WDFY1: variants seen among roughly 807,000 people sequenced by gnomAD.
WDFY1 encodes WD repeat and FYVE domain containing 1.
A neutral mutation model predicts 56.4 loss-of-function variants in WDFY1; 32 were observed. The ratio of observed to expected loss-of-function variants is 0.57; its 90% confidence interval spans 0.43 to 0.76. The LOEUF (loss-of-function observed/expected upper bound fraction) is 0.76, where lower values mean the gene tolerates loss of function less well. Ranked by LOEUF, WDFY1 falls within the 30% of genes least tolerant of loss-of-function variation. WDFY1 has a pLI of 0.00. For missense variants in WDFY1, 480 were observed against 545.7 expected (o/e 0.88, Z 1.20); for synonymous variants, 192 against 197.3 (o/e 0.97, Z 0.23).
At chr2:223,885,236 G>A (rs1014652256) in intron 8 of WDFY1, among the ~76,000 whole-genome samples, 10 of 151,722 alleles carry the variant, frequency 6.6e-5, no homozygotes, top group African/African-American at 2.4e-4. Flanking sequence ...TGTCACTCAG[G>A]CTCGAGTGCA....
intron 1 of WDFY1, among the ~76,000 whole-genome samples, chr2:223,920,525 C>T (rs992167711): frequency 1.3e-5 from 2 of 152,206 alleles, no homozygotes; most frequent in African/African-American, 2.4e-5. Context: ...GGGTTGCTGC[C>T]CAAGAGAAGA....
chr2:223,897,351 C>CATAT (rs1194128689), intron 6 of WDFY1, among the ~76,000 whole-genome samples: 229 of 53,590 alleles, frequency 4.3e-3, no homozygotes, highest in East Asian at 0.024. Flanking sequence ...CTAAATTTCG[C>CATAT]ATATATATAT....
chr2:223,920,625 G>A (rs535741391), intron 1 of WDFY1, among the ~76,000 whole-genome samples: 4 of 152,212 alleles, frequency 2.6e-5, no homozygotes, highest in South Asian at 4.1e-4. Context: ...TGAACACGCC[G>A]GCTGTGGGAA....
chr2:223,878,021 C>T lies in WDFY1; in HGVS notation c.*650G>A, dbSNP rs584358. ...TTTCACAACTTACTTAATGACAACC[C>T]CGAAAGTTCACCTGTGGCATACTGG... is the stretch of plus-strand genomic sequence containing the variant. On this transcript the variant is annotated 3_prime_UTR_variant, in exon 12 of 12. Transcript: ENST00000233055. 137,574 of 152,632 alleles carry T rather than the reference C, an allele frequency of 0.9. 62,351 individuals are homozygous for T. Among genetic ancestry groups the T allele is most frequent in the South Asian group, 0.96 (4,650 of 4,822 alleles). 9.5% of individuals were successfully genotyped at this position (152,632 alleles called of 1,614,324 possible). A position where few individuals can be genotyped will look rare whatever the true frequency, so the allele number is the denominator to read the frequency against.
intron 1 of WDFY1, among the ~76,000 whole-genome samples, chr2:223,940,675 T>C (rs957775771): frequency 5.3e-5 from 8 of 151,986 alleles, no homozygotes; most frequent in African/African-American, 1.9e-4. Context: ...AAAGTTTTGT[T>C]CTTGTTGCCC....
At chr2:223,899,744 T>C (rs1363943847) in intron 5 of WDFY1, among the ~76,000 whole-genome samples, 1 of 151,814 alleles carries the variant, frequency 6.6e-6, no homozygotes, top group African/African-American at 2.4e-5. Flanking sequence ...GCAAGACTCT[T>C]TCTCAAAAAA....
intron 4 of WDFY1, among the ~76,000 whole-genome samples, chr2:223,902,254 C>T (rs548518): frequency 0.93 from 141,753 of 152,310 alleles, 66,040 homozygotes; most frequent in South Asian, 0.96. Context: ...TTAAAGGATG[C>T]TATGATAGCT....
At chr2:223,921,482 C>A (rs1245834480) in intron 1 of WDFY1, among the ~76,000 whole-genome samples, 1 of 152,014 alleles carries the variant, frequency 6.6e-6, no homozygotes, top group Non-Finnish European at 1.5e-5. Flanking sequence ...AGAGGAAGAA[C>A]AAACCTATGA....
chr2:223,896,563 A>AG (rs1353254482), intron 6 of WDFY1, among the ~76,000 whole-genome samples: 1 of 152,212 alleles, frequency 6.6e-6, no homozygotes, highest in Non-Finnish European at 1.5e-5. Context: ...TTCTTTCTAC[A>AG]GGTATATCTT....
rs115815630 is a variant in WDFY1, at chr2:223,944,177, A to C, written c.137+971T>G. Among the ~76,000 whole-genome samples the C allele has an allele frequency of 5.5e-3, 843 of 152,360 alleles. 9 individuals carry two copies. Among genetic ancestry groups the C allele is most frequent in the African/African-American group, 0.019 (793 of 41,586 alleles). On this transcript the variant is annotated intron_variant, in intron 1 of 11. Transcript: ENST00000233055. Reference sequence around the variant, plus strand: ...TGATCTAGAGGCCTGGCGTGGCGTGAAATCCCTGAGTACAGGGGGAGGAAG... The same window carrying C: ...TGATCTAGAGGCCTGGCGTGGCGTGCAATCCCTGAGTACAGGGGGAGGAAG...
intron 11 of WDFY1, among the ~76,000 whole-genome samples, chr2:223,878,981 C>G (rs1693019256): frequency 6.6e-6 from 1 of 152,150 alleles, no homozygotes; most frequent in East Asian, 1.9e-4. Context: ...CCCAGGAGTT[C>G]AAGACCAGCC....
chr2:223,902,423 G>A (rs1328552432), intron 4 of WDFY1, among the ~76,000 whole-genome samples: 1 of 152,102 alleles, frequency 6.6e-6, no homozygotes, highest in Non-Finnish European at 1.5e-5. Context: ...AAACCAGCTG[G>A]GCATGGTGGC....
chr2:223,895,407 C>T (rs754463705), intron 7 of WDFY1, 97 bp downstream of exon 7: 212 of 1,566,056 alleles, frequency 1.4e-4, no homozygotes, highest in Admixed American at 1.7e-4. Flanking sequence ...CATCTTAGAA[C>T]GTGGGGTTTG....
chr2:223,920,286 C>T (rs1459106836), intron 1 of WDFY1, among the ~76,000 whole-genome samples: 3 of 152,228 alleles, frequency 2.0e-5, no homozygotes, highest in Non-Finnish European at 4.4e-5. Flanking sequence ...CCAGGGGGAT[C>T]AGGAAGCACC....
intron 1 of WDFY1, among the ~76,000 whole-genome samples, chr2:223,933,324 CA>C (rs1328441231): frequency 6.8e-6 from 1 of 146,444 alleles, no homozygotes; most frequent in African/African-American, 2.5e-5. Flanking sequence ...TTCCAGAAGC[CA>C]GATTGGCTGA....
intron 7 of WDFY1, 123 bp from the exon 8 acceptor site, chr2:223,894,462 T>A: frequency 1.2e-6 from 1 of 868,442 alleles, no homozygotes; most frequent in Non-Finnish European, 1.9e-6. Flanking sequence ...ACTGACTATT[T>A]AGCATGGTAA....
At chr2:223,902,134 T>C (rs1247068937) in intron 4 of WDFY1, among the ~76,000 whole-genome samples, 1 of 152,224 alleles carries the variant, frequency 6.6e-6, no homozygotes, top group Non-Finnish European at 1.5e-5. Context: ...CTGTACAGAC[T>C]GCTTAGGAAG....
intron 2 of WDFY1, among the ~76,000 whole-genome samples, chr2:223,915,948 G>T (rs967495027): frequency 6.6e-6 from 1 of 152,226 alleles, no homozygotes; most frequent in Non-Finnish European, 1.5e-5. Context: ...TTTAGTGTGA[G>T]AACCAAGGTT....
rs770234614 is a variant in WDFY1 at position 223,880,238 on chromosome 2, A to G, written c.1065-6T>C. On this transcript the variant is annotated splice_region_variant and splice_polypyrimidine_tract_variant and intron_variant, in intron 10 of 11. Transcript: ENST00000233055. ...AGGTCGCTAGAGAAGTCCGACTAAC[A>G]AGAGAAAAGAGATCACTGAAAATTT... The G allele has an allele frequency of 6.2e-7, 1 of 1,612,786 alleles. No homozygotes were observed.
Sources: gnomAD v4.1 joint callset for allele counts (sites outside exome capture counted in the v4.1 genomes callset) on GRCh38, gnomAD v4.1.1 for gene constraint, MANE v1.5 for transcripts, NCBI Gene and HGNC (gene_info 2026-07-23, HGNC 2026-07-21) for gene names.